The following ARHGAP15 variants were observed in gnomAD, a reference collection of about 807,000 sequenced individuals.
The protein encoded by ARHGAP15 is Rho GTPase activating protein 15.
A neutral mutation model predicts 63.7 loss-of-function variants in ARHGAP15; 51 were observed. The observed-to-expected ratio is 0.80, with a 90% confidence interval of 0.64 to 1.01. The LOEUF (loss-of-function observed/expected upper bound fraction) is 1.01, where lower values mean the gene tolerates loss of function less well. ARHGAP15 is among the 50% of genes least tolerant of loss of function. The probability of loss-of-function intolerance (pLI) is 0.00; values close to 1 mark genes in which losing one functional copy is unlikely to be tolerated. For synonymous variants in ARHGAP15, 191 were observed against 193.8 expected, an observed-to-expected ratio of 0.99 and a Z score of 0.12; for missense variants, 560 against 564.6, an observed-to-expected ratio of 0.99 and a Z score of 0.08.
At chr2:143,130,389 G>A (rs1688874177) in intron 1 of ARHGAP15, among the ~76,000 whole-genome samples, 1 of 152,026 alleles carries the variant, frequency 6.6e-6, no homozygotes, top group African/African-American at 2.4e-5. Flanking sequence ...TCTGACTGTA[G>A]ATTTTTGAAA....
In ARHGAP15 at chr2:143,727,023, C is replaced by A. The variant is rs568915230; in HGVS notation, c.1244+23499C>A. 6.6e-5 allele frequency among the ~76,000 whole-genome samples: 10 copies of A among 152,130 alleles called. 1 individual carries two copies. Among genetic ancestry groups the A allele is most frequent in the Admixed American group, 5.2e-4 (8 of 15,280 alleles). ...CTAAAGGGCTAAGTCTCAGTTACCC[C>A]CTCCATCACTGCCCTAACCTCTTCC... On this transcript the variant is annotated intron_variant, in intron 13 of 13. Transcript: ENST00000295095.
At chr2:143,167,667 T>C (rs1282355659) in intron 2 of ARHGAP15, among the ~76,000 whole-genome samples, 3 of 152,016 alleles carry the variant, frequency 2.0e-5, no homozygotes, top group Admixed American at 2.0e-4. Flanking sequence ...CACCTATGCT[T>C]CAGAGGCCTG....
At chr2:143,469,628 C>T (rs558700610) in intron 8 of ARHGAP15, among the ~76,000 whole-genome samples, 10 of 152,132 alleles carry the variant, frequency 6.6e-5, no homozygotes, top group African/African-American at 2.4e-4. Flanking sequence ...GCATTTGAAA[C>T]GTGGCTAGAC....
chr2:143,587,852 C>A, intron 11 of ARHGAP15: 1 of 433,458 alleles, frequency 2.3e-6, no homozygotes, highest in Non-Finnish European at 4.7e-6. Flanking sequence ...GAGATACAAT[C>A]CCTAGTATTG....
chr2:143,255,556 T>C (rs1680377445), intron 6 of ARHGAP15, among the ~76,000 whole-genome samples: 1 of 152,156 alleles, frequency 6.6e-6, no homozygotes, highest in Non-Finnish European at 1.5e-5. Context: ...ATATGTCTTA[T>C]CTTAAAATGT....
intron 12 of ARHGAP15, among the ~76,000 whole-genome samples, chr2:143,657,272 T>C (rs942792023): frequency 6.6e-6 from 1 of 152,050 alleles, no homozygotes; most frequent in Non-Finnish European, 1.5e-5. Flanking sequence ...GCGTGAACCC[T>C]GGAGGCGGAG....
intron 6 of ARHGAP15, among the ~76,000 whole-genome samples, chr2:143,417,520 G>A (rs985626905): frequency 1.3e-5 from 2 of 152,144 alleles, no homozygotes; most frequent in East Asian, 3.9e-4. Context: ...TTGCCACAGG[G>A]TTTTCATGGA....
intron 1 of ARHGAP15, among the ~76,000 whole-genome samples, chr2:143,135,179 G>A (rs1016140127): frequency 3.3e-5 from 5 of 152,148 alleles, no homozygotes; most frequent in African/African-American, 1.2e-4. Context: ...GATTCAGTGA[G>A]GAGAGGAATT....
rs536521005 is a variant in ARHGAP15 at position 143,447,342 on chromosome 2, A to C, written c.703+10300A>C. Reference sequence around the variant, plus strand: ...CAGTGTCATGAAGCATCTGGTGATAAAAAGATGGGTTTTGTTGACTAAAGT... The same window carrying C: ...CAGTGTCATGAAGCATCTGGTGATACAAAGATGGGTTTTGTTGACTAAAGT... On this transcript the variant is annotated intron_variant, in intron 8 of 13. Coordinates refer to ENST00000295095, the MANE Select transcript of ARHGAP15 (RefSeq NM_018460.4). 2.6e-5 allele frequency among the ~76,000 whole-genome samples: 4 copies of C among 152,342 alleles called. No individual in the cohort carries two copies. The East Asian group carries it at 7.7e-4, about 29-fold the overall frequency.
chr2:143,633,127 T>C (rs1381653321), intron 12 of ARHGAP15, among the ~76,000 whole-genome samples: 1 of 152,186 alleles, frequency 6.6e-6, no homozygotes, highest in Non-Finnish European at 1.5e-5. Flanking sequence ...GTTTTTTTAG[T>C]TTCCACTGCA....
intron 6 of ARHGAP15, among the ~76,000 whole-genome samples, chr2:143,413,966 T>TGTGTGTGTGTGCGCGCACGCGCGCGC: frequency 5.9e-5 from 7 of 117,910 alleles, no homozygotes; most frequent in African/African-American, 2.5e-4. Context: ...TGTGTGTGTG[T>TGTGTGTGTGTGCGCGCACGCGCGCGC]GCGCGCTCTC....
chr2:143,671,594 C>CA (rs375930854), intron 12 of ARHGAP15, among the ~76,000 whole-genome samples: 5 of 151,840 alleles, frequency 3.3e-5, no homozygotes, highest in East Asian at 1.9e-4. Flanking sequence ...CAAATAGTGG[C>CA]AAAAAAAGTC....
chr2:143,173,849 T>C (rs1690902292), intron 2 of ARHGAP15, among the ~76,000 whole-genome samples: 1 of 152,126 alleles, frequency 6.6e-6, no homozygotes, highest in South Asian at 2.1e-4. Context: ...GTCAACCGTA[T>C]GTTAGATTTT....
intron 4 of ARHGAP15, among the ~76,000 whole-genome samples, chr2:143,218,402 G>A (rs973832824): frequency 5.3e-5 from 8 of 150,268 alleles, no homozygotes; most frequent in African/African-American, 1.5e-4. Flanking sequence ...GCCCTAGCTG[G>A]TTTTATTTTA....
At chr2:143,614,583 CA>C (rs1698386639) in intron 11 of ARHGAP15, among the ~76,000 whole-genome samples, 1 of 151,992 alleles carries the variant, frequency 6.6e-6, no homozygotes, top group African/African-American at 2.4e-5. Context: ...CCTCTGTTAT[CA>C]AAGGAGGTTA....
intron 12 of ARHGAP15, among the ~76,000 whole-genome samples, chr2:143,679,199 C>T (rs1384335190): frequency 6.6e-6 from 1 of 152,070 alleles, no homozygotes; most frequent in Non-Finnish European, 1.5e-5. Context: ...GGATTCGGCT[C>T]TTAAGTGGGT....
chr2:143,700,315 G>T (rs181075088), intron 12 of ARHGAP15, among the ~76,000 whole-genome samples: 1 of 151,984 alleles, frequency 6.6e-6, no homozygotes, highest in Non-Finnish European at 1.5e-5. Context: ...ATTAAGCAAC[G>T]GCCAATCTTT....
rs1292594053 is a variant in ARHGAP15, at chr2:143,373,524, G to T, written c.475-62077G>T. 2.7e-5 allele frequency among the ~76,000 whole-genome samples: 4 copies of T among 150,902 alleles called. No homozygotes were observed. In the East Asian group the frequency reaches 7.8e-4, roughly 29 times the overall value. ...GGGTGCCTGTAGTCCCAGCTGCTTG[G>T]GAGGCTGAGGCAGGAGAATGGCATG... On this transcript the variant is annotated intron_variant, in intron 6 of 13. Transcript: ENST00000295095.
At chr2:143,154,139 CT>C (rs1056012884) in intron 1 of ARHGAP15, among the ~76,000 whole-genome samples, 1 of 151,602 alleles carries the variant, frequency 6.6e-6, no homozygotes, top group Admixed American at 6.6e-5. Context: ...TTATGAGTCT[CT>C]CTGATCCTCA....
Sources: allele counts gnomAD v4.1 joint callset (sites outside exome capture counted in the v4.1 genomes callset), GRCh38; gene constraint gnomAD v4.1.1; transcripts MANE v1.5; gene names NCBI Gene and HGNC (gene_info 2026-07-23, HGNC 2026-07-21).